The following FRMPD3 variants were observed in gnomAD, a reference collection of about 807,000 sequenced individuals.
FRMPD3 encodes the protein FERM and PDZ domain containing 3, also known as FERM and PDZ domain-containing protein 3.
FRMPD3 carries 42 observed loss-of-function variants against 97.9 expected under a neutral mutation model. That is an observed-to-expected ratio of 0.43 (90% CI 0.34 to 0.55). The LOEUF is 0.55. Ranked by LOEUF, FRMPD3 falls within the 20% of genes least tolerant of loss-of-function variation. FRMPD3 has a pLI of 0.03. For missense variants in FRMPD3, 1,303 were observed against 1,457.7 expected (o/e 0.89, Z 1.73); for synonymous variants, 577 against 581.1 (o/e 0.99, Z 0.10).
chrX:107,538,367 C>A lies in FRMPD3; in HGVS notation c.297+4817C>A, dbSNP rs369716620. 1.8e-4 allele frequency among the ~76,000 whole-genome samples: 20 copies of A among 108,569 alleles called. No individual in the cohort carries two copies. The East Asian group carries it at 5.2e-3, about 28-fold the overall frequency. The allele number at this position is 108,569 out of a possible 115,157, so 94.3% of individuals were successfully genotyped here. On this transcript the variant is annotated intron_variant, in intron 4 of 14. Coordinates refer to ENST00000683843, the MANE Select transcript of FRMPD3 (RefSeq NM_001388459.1). ...CCCCAATATGTGTTTAATGTTATAC[C>A]CCCTACATCACAGAAAATACTACTG...
chrX:107,503,888 C>T (rs761353576), intron 1 of FRMPD3, among the ~76,000 whole-genome samples: 11 of 112,107 alleles, frequency 9.8e-5, no homozygotes, highest in Non-Finnish European at 3.8e-5. Context: ...GTATTTGATA[C>T]GCCCACATCC....
At chrX:107,593,546 T>C (rs930969838) in intron 13 of FRMPD3, among the ~76,000 whole-genome samples, 1 of 112,011 alleles carries the variant, frequency 8.9e-6, no homozygotes, top group African/African-American at 3.2e-5. Flanking sequence ...TTTAAGTCCT[T>C]AATCCCTCTT....
chrX:107,453,200 T>C (rs2343828), intron 1 of FRMPD3, among the ~76,000 whole-genome samples: 13,116 of 110,014 alleles, frequency 0.12, 1,959 homozygotes, highest in African/African-American at 0.41. Context: ...TACATACACA[T>C]ACACACAAAT....
chrX:107,605,133 A>AT lies in FRMPD3; in HGVS notation c.*1764dup, dbSNP rs1924776402. ...TCCCTCAGCCTCATGGAGAGGAAAC[A>AT]TTTTCTAATGTCTGTATATAGTATA... On this transcript the variant is annotated 3_prime_UTR_variant, in exon 15 of 15. Coordinates refer to ENST00000683843, the MANE Select transcript of FRMPD3 (RefSeq NM_001388459.1). 2.7e-5 allele frequency: 3 copies of AT among 110,701 alleles called. No individual in the cohort carries two copies. Among genetic ancestry groups the AT allele is most frequent in the African/African-American group, 9.8e-5 (3 of 30,466 alleles). 9.1% of individuals were successfully genotyped at this position (110,701 alleles called of 1,213,427 possible).
At chrX:107,505,488 A>G (rs1350558951) in intron 1 of FRMPD3, among the ~76,000 whole-genome samples, 3 of 112,412 alleles carry the variant, frequency 2.7e-5, no homozygotes, top group African/African-American at 9.7e-5. Context: ...AATGACCAGG[A>G]GGCAGAGGTT....
intron 5 of FRMPD3, among the ~76,000 whole-genome samples, chrX:107,547,657 C>G (rs2147576582): frequency 9.0e-6 from 1 of 111,586 alleles, no homozygotes; most frequent in South Asian, 3.8e-4. Flanking sequence ...CATCACCCTC[C>G]TCCATGCTGC....
intron 12 of FRMPD3, among the ~76,000 whole-genome samples, chrX:107,566,245 CAGGGGGAGATATTGGTAGCA>C (rs1229262921): frequency 3.2e-4 from 36 of 113,015 alleles, no homozygotes; most frequent in Middle Eastern, 4.7e-3. Context: ...AACGATTTCC[CAGGGGGAGATATTGGTAGCA>C]GATTAAGAGG....
chrX:107,477,819 A>G (rs1424680752), intron 1 of FRMPD3, among the ~76,000 whole-genome samples: 3 of 111,720 alleles, frequency 2.7e-5, no homozygotes, highest in Non-Finnish European at 3.8e-5. Context: ...AAACCCTCCA[A>G]TCTAGGATGT....
At chrX:107,568,694 A>C (rs1436212986) in intron 12 of FRMPD3, among the ~76,000 whole-genome samples, 1 of 108,910 alleles carries the variant, frequency 9.2e-6, no homozygotes, top group African/African-American at 3.3e-5. Flanking sequence ...AGATCATGCC[A>C]CTGCATCCCA....
chrX:107,503,955 C>T (rs1921972970), intron 1 of FRMPD3, among the ~76,000 whole-genome samples: 1 of 112,551 alleles, frequency 8.9e-6, no homozygotes, highest in African/African-American at 3.2e-5. Context: ...CAGGAGACCG[C>T]ACAGTGACCT....
intron 1 of FRMPD3, among the ~76,000 whole-genome samples, chrX:107,517,994 G>A (rs751131777): frequency 5.4e-5 from 6 of 110,736 alleles, no homozygotes; most frequent in East Asian, 5.7e-4. Flanking sequence ...TGAGTTCATC[G>A]AGGGATGAGA....
chrX:107,510,770 A>G (rs750180272), intron 1 of FRMPD3, among the ~76,000 whole-genome samples: 4 of 112,415 alleles, frequency 3.6e-5, no homozygotes, highest in African/African-American at 1.3e-4. Context: ...GGCTGCCTCC[A>G]GACAAGGTGA....
intron 1 of FRMPD3, among the ~76,000 whole-genome samples, chrX:107,481,570 A>G (rs751473581): frequency 1.1e-4 from 12 of 111,962 alleles, no homozygotes; most frequent in Non-Finnish European, 2.1e-4. Flanking sequence ...TGCCACAAAG[A>G]AAATGAAGAG....
chrX:107,469,851 A>T (rs1339838164), intron 1 of FRMPD3, among the ~76,000 whole-genome samples: 1 of 112,545 alleles, frequency 8.9e-6, no homozygotes, highest in African/African-American at 3.2e-5. Context: ...AGGAGGGTAC[A>T]GTCTGGATAC....
At chrX:107,597,111 G>C (rs1414087265) in intron 13 of FRMPD3, among the ~76,000 whole-genome samples, 1 of 111,613 alleles carries the variant, frequency 9.0e-6, no homozygotes, top group East Asian at 2.8e-4. Context: ...TAGCAGCTCA[G>C]GTTATTAGAC....
intron 13 of FRMPD3, among the ~76,000 whole-genome samples, chrX:107,592,749 CACACCA>C (rs1427557487): frequency 5.5e-5 from 6 of 108,207 alleles, no homozygotes; most frequent in Admixed American, 9.8e-5. Flanking sequence ...TCACCATATC[CACACCA>C]ACACATATTT....
At chrX:107,514,458 G>C (rs1455523835) in intron 1 of FRMPD3, among the ~76,000 whole-genome samples, 1 of 110,762 alleles carries the variant, frequency 9.0e-6, no homozygotes, top group African/African-American at 3.3e-5. Context: ...GGCTTGAACT[G>C]GGTGACAGCC....
At chrX:107,457,527 A>G (rs1035267598) in intron 1 of FRMPD3, among the ~76,000 whole-genome samples, 3 of 111,546 alleles carry the variant, frequency 2.7e-5, no homozygotes, top group African/African-American at 9.8e-5. Context: ...ATTTCTCTAG[A>G]CACAGCCAAT....
rs1922314929 is a variant in FRMPD3, at chrX:107,516,006, C to T, written c.-7-10576C>T. Among the ~76,000 whole-genome samples the T allele has an allele frequency of 3.0e-5, 3 of 99,337 alleles. No individual in the cohort carries two copies. In the Admixed American group the frequency reaches 3.2e-4, roughly 10 times the overall value. 86.3% of individuals were successfully genotyped at this position (99,337 alleles called of 115,157 possible). A position where few individuals can be genotyped will look rare whatever the true frequency, so the allele number is the denominator to read the frequency against. The stretch of plus-strand genomic sequence containing the variant: ...CATCATTTAACGTTAGGTATATCTC[C>T]TAATGCTATCCCTCCCCCCTCCCCC... On this transcript the variant is annotated intron_variant, in intron 1 of 14. Transcript: ENST00000683843.
Sources: allele counts gnomAD v4.1 joint callset (sites outside exome capture counted in the v4.1 genomes callset), GRCh38; gene constraint gnomAD v4.1.1; transcripts MANE v1.5; gene names NCBI Gene and HGNC (gene_info 2026-07-23, HGNC 2026-07-21).